TACC2: variants seen among roughly 807,000 people sequenced by gnomAD.
The protein encoded by TACC2 is transforming acidic coiled-coil-containing protein 2.
Under a neutral mutation model 227.3 loss-of-function variants are expected in TACC2, and 137 were observed. The ratio of observed to expected loss-of-function variants is 0.60; its 90% CI spans 0.52 to 0.69. The LOEUF is 0.69. Among genes scored for constraint, TACC2 ranks in the 30% least tolerant of loss-of-function variants. The pLI, the probability that TACC2 is intolerant of heterozygous loss-of-function variation, is 0.00. For synonymous variants in TACC2, 1,523 were observed against 1,487.5 expected (o/e 1.02, Z -0.55); for missense variants, 3,470 against 3,694.4 (o/e 0.94, Z 1.57).
intron 6 of TACC2, among the ~76,000 whole-genome samples, chr10:122,138,002 C>G (rs1461537820): frequency 6.6e-6 from 1 of 152,184 alleles, no homozygotes; most frequent in Non-Finnish European, 1.5e-5. Context: ...GATTCAGAAG[C>G]AGAGTTTAAA....
Position 122,210,977 on chromosome 10 carries a change from C to A in TACC2, c.6552C>A (p.Ser2184Arg), listed in dbSNP as rs750005707. Reference protein sequence around the residue: ...KTESAKTEGPSPALLEETPLE... With the variant: ...KTESAKTEGPRPALLEETPLE... ...AATCTGCCAAGACGGAAGGTCCTAGCCCAGCCTTATTGGAGGAGACGCCCC... is the reference window on the plus strand; with the variant it reads ...AATCTGCCAAGACGGAAGGTCCTAGACCAGCCTTATTGGAGGAGACGCCCC... The change falls in exon 9 of 23, where the codon AGC becomes AGA. Residue 2184 changes from serine to arginine, a missense_variant. By Grantham distance (110) the Ser-to-Arg change is moderately radical. Around this residue, in one of 10 missense-constraint regions of TACC2, gnomAD observed 593 missense variants for 636.6 expected, o/e 0.93. Transcript: ENST00000369005. The surrounding 1 kb of genome is among the most constrained non-coding windows in gnomAD (Gnocchi z 4.6). 22 of 1,613,532 alleles carry A rather than the reference C, an allele frequency of 1.4e-5. No homozygotes were observed. Among genetic ancestry groups the A allele is most frequent in the Middle Eastern group, 1.6e-4 (1 of 6,074 alleles).
At chr10:122,213,343 A>G (rs2141067806) in intron 9 of TACC2, 3 of 1,611,722 alleles carry the variant, frequency 1.9e-6, no homozygotes, top group Non-Finnish European at 1.7e-6. Context: ...TTGTCTTAGG[A>G]TGGTTGAAGA....
intron 7 of TACC2, among the ~76,000 whole-genome samples, chr10:122,175,830 G>C (rs1478689701): frequency 6.6e-6 from 1 of 152,204 alleles, no homozygotes; most frequent in Non-Finnish European, 1.5e-5. Context: ...ACTTCAGGAG[G>C]CTGAGGCAGG....
chr10:122,023,129 A>C (rs1274698992), intron 2 of TACC2: 1 of 152,008 alleles, frequency 6.6e-6, no homozygotes, highest in Non-Finnish European at 1.5e-5. Context: ...CCCCGGGTTC[A>C]AGCAGTTCTC....
rs944722208 is a variant in TACC2, at chr10:122,187,317, C to T, written c.5835-7723C>T. Among the ~76,000 whole-genome samples the T allele has an allele frequency of 2.0e-5, 3 of 152,250 alleles. No homozygotes were observed. In the South Asian group the frequency reaches 6.2e-4, roughly 32 times the overall value. On this transcript the variant is annotated intron_variant, in intron 7 of 22. Transcript: ENST00000369005. Reference sequence around the variant, plus strand: ...GTTGACCTCAGCACTACCCGGAGCTCGCCCTTTCTTCGGTACACTCTGGTG... The same window carrying T: ...GTTGACCTCAGCACTACCCGGAGCTTGCCCTTTCTTCGGTACACTCTGGTG...
At chr10:122,000,003 G>A (rs1954076884) in intron 1 of TACC2, among the ~76,000 whole-genome samples, 1 of 152,218 alleles carries the variant, frequency 6.6e-6, no homozygotes, top group Admixed American at 6.5e-5. Flanking sequence ...CAAGAGAAGG[G>A]CTGAGTGAAG....
chr10:122,162,027 C>T (rs1433380848), intron 7 of TACC2, among the ~76,000 whole-genome samples: 1 of 152,196 alleles, frequency 6.6e-6, no homozygotes, highest in South Asian at 2.1e-4. Context: ...ACGGCTTCCC[C>T]GGGAGGTGCT....
Position 122,021,994 on chromosome 10 carries a change from A to T in TACC2, c.13A>T (p.Asn5Tyr). 1 of 1,614,176 alleles carries T rather than the reference A, an allele frequency of 6.2e-7. No homozygotes were observed. ...ACACTGAATCAACATGGGCAATGAGAACAGCACCTCGGACAACCAGGTGGG... is the reference window on the plus strand; with the variant it reads ...ACACTGAATCAACATGGGCAATGAGTACAGCACCTCGGACAACCAGGTGGG... MGNENSTSDNQRTLS... is the reference protein window; with the variant it reads MGNEYSTSDNQRTLS... The change falls in exon 2 of 23, where the codon AAC becomes TAC. Residue 5 changes from asparagine (N) to tyrosine (Y), a missense_variant. This residue lies in a region of TACC2 where 405 missense variants were observed against 389.6 expected (regional missense o/e 1.04). Transcript: ENST00000369005.
At chr10:122,011,448 GCC>G (rs1171446592) in intron 1 of TACC2, among the ~76,000 whole-genome samples, 1 of 152,136 alleles carries the variant, frequency 6.6e-6, no homozygotes, top group Non-Finnish European at 1.5e-5. Context: ...TCCTGCCTTA[GCC>G]TCCCGAGTAG....
rs1441872159 is a variant in TACC2, at chr10:122,180,865, C to A, written c.5835-14175C>A. ...AAGCGATTCTCCTGCCTCAGCCTCT[C>A]CTGCCTCAGCTGGGATTACAGGCAC... On this transcript the variant is annotated intron_variant, in intron 7 of 22. Transcript: ENST00000369005. This position sits in a 1 kb window ranked among gnomAD's most constrained non-coding sequence, Gnocchi z 4.5. 6.6e-6 allele frequency among the ~76,000 whole-genome samples: 1 copy of A among 152,154 alleles called. No individual in the cohort carries two copies. The highest frequency in any genetic ancestry group is 2.4e-5 in the African/African-American group (1 of 41,434).
At chr10:122,170,426 G>C (rs989945501) in intron 7 of TACC2, among the ~76,000 whole-genome samples, 2 of 151,824 alleles carry the variant, frequency 1.3e-5, no homozygotes, top group Admixed American at 6.6e-5. Flanking sequence ...GCACGCCACT[G>C]TGCCCAGCTA....
At chr10:121,998,709 G>A (rs1038475893) in intron 1 of TACC2, among the ~76,000 whole-genome samples, 2 of 152,056 alleles carry the variant, frequency 1.3e-5, no homozygotes, top group Admixed American at 1.3e-4. Flanking sequence ...GTGCTGGATC[G>A]GGTGCCAAAG....
intron 8 of TACC2, among the ~76,000 whole-genome samples, chr10:122,203,425 C>G (rs879810006): frequency 2.0e-5 from 3 of 150,406 alleles, no homozygotes; most frequent in Non-Finnish European, 4.4e-5. Flanking sequence ...GCTGACCCCC[C>G]CACCTCCCTC....
rs2095274083 is a variant in TACC2, at chr10:122,210,824, T to C, written c.6399T>C (p.Pro2133=). ...TLKRTKKPRP[P]SLKKKQTTKK... ...AGCGAACTAAAAAACCGAGGCCGCC[T>C]TCCTTAAAAAAGAAACAGACCACCA... The change falls in exon 9 of 23, where the codon CCT becomes CCC. Residue 2133 remains proline (P), a synonymous_variant. Coordinates refer to ENST00000369005, the MANE Select transcript of TACC2 (RefSeq NM_206862.4). This position sits in a 1 kb window ranked among gnomAD's most constrained non-coding sequence, Gnocchi z 4.6. The C allele has an allele frequency of 6.2e-7, 1 of 1,611,482 alleles. No individual in the cohort carries two copies. Among genetic ancestry groups the C allele is most frequent in the Non-Finnish European group, 8.5e-7 (1 of 1,179,476 alleles).
intron 11 of TACC2, among the ~76,000 whole-genome samples, chr10:122,224,070 GTGTA>G (rs2095574823): frequency 6.6e-6 from 1 of 152,196 alleles, no homozygotes; most frequent in South Asian, 2.1e-4. Flanking sequence ...TCTCCATTGA[GTGTA>G]TGGGATTTTC....
At chr10:122,073,179 T>C (rs1442673973) in intron 3 of TACC2, among the ~76,000 whole-genome samples, 2 of 139,144 alleles carry the variant, frequency 1.4e-5, no homozygotes, top group East Asian at 4.2e-4. Flanking sequence ...ATACATGAGA[T>C]GAGCTCACTT....
intron 19 of TACC2, chr10:122,247,138 AGGT>A (rs1020657645): frequency 5.2e-5 from 8 of 152,820 alleles, no homozygotes; most frequent in African/African-American, 1.9e-4. Context: ...AGCAGGAGTG[AGGT>A]GGCCTGGTTT....
In TACC2 at chr10:122,047,789, AT is replaced by A. The variant is rs1217754963; in HGVS notation, c.34-2647del. Among the ~76,000 whole-genome samples, 9 of 152,220 alleles carry A rather than the reference AT, an allele frequency of 5.9e-5. No individual in the cohort carries two copies. The South Asian group carries it at 1.9e-3, about 32-fold the overall frequency. On this transcript the variant is annotated intron_variant, in intron 2 of 22. Transcript: ENST00000369005. ...GAAAGATACTGGCCCAGTGCCTGGC[AT>A]TAGTAAGTGCTCAATAACAGGAGCA...
At chr10:122,129,582 A>G (rs990991096) in intron 5 of TACC2, among the ~76,000 whole-genome samples, 2 of 152,132 alleles carry the variant, frequency 1.3e-5, no homozygotes, top group African/African-American at 4.8e-5. Flanking sequence ...ATGGTTTTCA[A>G]TGTGTGTTGC....
Sources: allele counts gnomAD v4.1 joint callset (sites outside exome capture counted in the v4.1 genomes callset), GRCh38; gene constraint gnomAD v4.1.1; regional missense constraint gnomAD v4.1.1; non-coding constraint Gnocchi (gnomAD v3.1); transcripts MANE v1.5; gene names NCBI Gene and HGNC (gene_info 2026-07-23, HGNC 2026-07-21).